RGS7: variants seen among roughly 807,000 people sequenced by gnomAD.
RGS7 encodes the protein regulator of G-protein signaling 7.
In RGS7, 27 loss-of-function variants were observed where a neutral mutation model predicts 81.1. The ratio of observed to expected loss-of-function variants is 0.33; its 90% CI spans 0.25 to 0.46. The LOEUF (loss-of-function observed/expected upper bound fraction) is 0.46. Ranked by LOEUF, RGS7 falls within the 20% of genes least tolerant of loss-of-function variation. RGS7 has a pLI of 1.00. For synonymous variants in RGS7, 208 were observed against 207.7 expected (o/e 1.00, Z -0.01); for missense variants, 396 against 607.4 (o/e 0.65, Z 3.66).
chr1:241,345,595 A>G (rs993123477), intron 2 of RGS7, among the ~76,000 whole-genome samples: 4 of 152,226 alleles, frequency 2.6e-5, no homozygotes, highest in Non-Finnish European at 5.9e-5. Flanking sequence ...AGTAAAATGA[A>G]TATTGCTCCT....
rs140976481 is a variant in RGS7 at position 241,312,766 on chromosome 1, T to C, written c.78+42933A>G. The stretch of plus-strand genomic sequence containing the variant: ...TCTAAGTGTTAAGTAAAAGGAAGAG[T>C]CACACATTTCTCACTTGGAATCAAA... On this transcript the variant is annotated intron_variant, in intron 2 of 18. Coordinates refer to ENST00000440928, the MANE Select transcript of RGS7 (RefSeq NM_001364886.1). 9.2e-4 allele frequency among the ~76,000 whole-genome samples: 140 copies of C among 151,982 alleles called. 1 individual carries two copies. In the East Asian group the frequency reaches 0.026, roughly 28 times the overall value.
chr1:240,907,134 C>CTGACATTCCATGACATTCCA (rs1317954448), intron 6 of RGS7, among the ~76,000 whole-genome samples: 1 of 152,106 alleles, frequency 6.6e-6, no homozygotes, highest in Admixed American at 6.5e-5. Flanking sequence ...CCCTCCAGCT[C>CTGACATTCCATGACATTCCA]TGACATTCCA....
chr1:241,175,550 G>A (rs1352745969), intron 2 of RGS7, among the ~76,000 whole-genome samples: 1 of 152,186 alleles, frequency 6.6e-6, no homozygotes, highest in African/African-American at 2.4e-5. Context: ...TTGGAGACTA[G>A]GAAGGGAAGT....
intron 2 of RGS7, among the ~76,000 whole-genome samples, chr1:241,346,964 A>G (rs184931021): frequency 1.4e-4 from 22 of 152,318 alleles, no homozygotes; most frequent in Admixed American, 6.5e-4. Context: ...ATTAGTATGA[A>G]TCTATTCTCT....
chr1:241,050,807 A>C (rs2061208712), intron 3 of RGS7, among the ~76,000 whole-genome samples: 1 of 152,112 alleles, frequency 6.6e-6, no homozygotes, highest in Non-Finnish European at 1.5e-5. Flanking sequence ...GACTTTCTTA[A>C]TTTTATTTTT....
intron 5 of RGS7, among the ~76,000 whole-genome samples, chr1:240,932,634 A>T (rs1279557545): frequency 7.1e-6 from 1 of 140,144 alleles, no homozygotes; most frequent in Non-Finnish European, 1.6e-5. Flanking sequence ...TCAGCCTCCC[A>T]AGTAGCTGGG....
At chr1:241,062,362 T>C (rs1473655253) in intron 3 of RGS7, among the ~76,000 whole-genome samples, 1 of 152,160 alleles carries the variant, frequency 6.6e-6, no homozygotes, top group Non-Finnish European at 1.5e-5. Flanking sequence ...AACCATACTG[T>C]ACAGTCAAAA....
At chr1:241,208,010 A>AT in intron 2 of RGS7, among the ~76,000 whole-genome samples, 1 of 151,990 alleles carries the variant, frequency 6.6e-6, no homozygotes, top group Non-Finnish European at 1.5e-5. Context: ...GGTTCAAGCG[A>AT]TTCTCCTTCC....
chr1:241,187,962 AAGAG>A (rs1424910695), intron 2 of RGS7, among the ~76,000 whole-genome samples: 1 of 146,814 alleles, frequency 6.8e-6, no homozygotes, highest in Admixed American at 6.6e-5. Context: ...GGGAGAGATG[AAGAG>A]AGGATGGTAA....
chr1:240,842,391 C>T (rs1478342248), intron 9 of RGS7, among the ~76,000 whole-genome samples: 2 of 151,076 alleles, frequency 1.3e-5, no homozygotes, highest in Non-Finnish European at 3.0e-5. Flanking sequence ...TAGAGACCAC[C>T]ATGTTGGTCA....
chr1:240,940,731 T>C (rs926274284), intron 4 of RGS7, among the ~76,000 whole-genome samples: 7 of 150,954 alleles, frequency 4.6e-5, no homozygotes, highest in African/African-American at 1.5e-4. Context: ...CAAAAAGCAA[T>C]TGGGTGTTAA....
chr1:240,858,749 T>C (rs1341469383), intron 9 of RGS7, among the ~76,000 whole-genome samples: 2 of 152,312 alleles, frequency 1.3e-5, no homozygotes, highest in East Asian at 3.9e-4. Context: ...TATGGATATA[T>C]GATTTTTTTC....
At chr1:240,924,039 G>A (rs758861088) in intron 6 of RGS7, among the ~76,000 whole-genome samples, 3 of 151,996 alleles carry the variant, frequency 2.0e-5, no homozygotes, top group Non-Finnish European at 4.4e-5. Flanking sequence ...CTCTTTAGTT[G>A]GTCATAAATC....
chr1:240,779,054 G>T (rs77004966), intron 18 of RGS7, among the ~76,000 whole-genome samples: 10,147 of 151,892 alleles, frequency 0.067, 1,161 homozygotes, highest in African/African-American at 0.23. Flanking sequence ...TTTGCGAAGT[G>T]ACCATGTATG....
At chr1:241,225,086 T>C (rs1487176110) in intron 2 of RGS7, among the ~76,000 whole-genome samples, 1 of 152,212 alleles carries the variant, frequency 6.6e-6, no homozygotes, top group African/African-American at 2.4e-5. Context: ...GGGCTGTCAG[T>C]ATACCCATCT....
intron 2 of RGS7, among the ~76,000 whole-genome samples, chr1:241,227,385 A>G (rs1238970906): frequency 6.6e-6 from 1 of 152,116 alleles, no homozygotes; most frequent in African/African-American, 2.4e-5. Context: ...AGGGAGAGGT[A>G]AAGTCTCTGA....
intron 2 of RGS7, among the ~76,000 whole-genome samples, chr1:241,277,423 T>TA (rs959893684): frequency 4.0e-4 from 61 of 152,024 alleles, no homozygotes; most frequent in African/African-American, 1.2e-3. Context: ...ATCGAGACCA[T>TA]CCTGGCTAAC....
At chr1:240,783,357 C>T (rs527507169) in intron 18 of RGS7, among the ~76,000 whole-genome samples, 3 of 152,066 alleles carry the variant, frequency 2.0e-5, no homozygotes, top group South Asian at 2.1e-4. Flanking sequence ...CACAGTGGCT[C>T]ATGCTTGTAA....
chr1:241,256,098 C>T lies in RGS7; in HGVS notation c.78+99601G>A, dbSNP rs73122046. On this transcript the variant is annotated intron_variant, in intron 2 of 18. Transcript: ENST00000440928. ...GATACCAGTTAACTAATTGGGAATC[C>T]CTGTTCTGTAATTCTCTAGCCACAC... 8.8e-3 allele frequency among the ~76,000 whole-genome samples: 1,332 copies of T among 152,048 alleles called. 21 individuals carry two copies. Among genetic ancestry groups the T allele is most frequent in the African/African-American group, 0.031 (1,283 of 41,466 alleles).
Sources: allele counts gnomAD v4.1 joint callset (sites outside exome capture counted in the v4.1 genomes callset), GRCh38; gene constraint gnomAD v4.1.1; transcripts MANE v1.5; gene names NCBI Gene and HGNC (gene_info 2026-07-23, HGNC 2026-07-21).